The following CAPSL variants were observed in gnomAD, a reference collection of about 807,000 sequenced individuals.
CAPSL encodes the protein calcyphosin-like protein.
CAPSL carries 17 observed loss-of-function variants against 21.3 expected under a neutral mutation model. The observed-to-expected ratio is 0.80, with a 90% CI of 0.55 to 1.20. The LOEUF is 1.20. Ranked by LOEUF, CAPSL falls within the 50% of genes most tolerant of loss-of-function variation. The pLI is 0.00. For synonymous variants in CAPSL, 102 were observed against 89.3 expected (o/e 1.14, Z -0.80); for missense variants, 289 against 259.3 (o/e 1.11, Z -0.79).
intron 1 of CAPSL, among the ~76,000 whole-genome samples, chr5:35,923,961 A>G (rs1222588063): frequency 6.6e-6 from 1 of 152,216 alleles, no homozygotes; most frequent in Non-Finnish European, 1.5e-5. Flanking sequence ...CCACAATTAT[A>G]CATACTTCAA....
intron 1 of CAPSL, among the ~76,000 whole-genome samples, chr5:35,927,258 C>T (rs545533360): frequency 2.0e-5 from 3 of 152,292 alleles, no homozygotes; most frequent in East Asian, 1.9e-4. Context: ...CCAATTGTTC[C>T]GAGCCTCTGT....
At position 35,920,990 on chromosome 5, in the gene CAPSL, A is replaced by G. The variant is rs749099220; in HGVS notation, c.131T>C (p.Leu44Pro). The G allele has an allele frequency of 1.2e-6, 2 of 1,613,742 alleles. No homozygotes were observed. The highest frequency in any genetic ancestry group is 1.1e-5 in the South Asian group (1 of 91,028). ...LARGSAGIKG[L>P]GRVFRIMDDD... Reference sequence around the variant, plus strand: ...ACTTGTAGCTGGGTCCTACCTGCCAAGTCCTTTGATCCCAGCAGAGCCCCT... The same window carrying G: ...ACTTGTAGCTGGGTCCTACCTGCCAGGTCCTTTGATCCCAGCAGAGCCCCT... The change falls in exon 2 of 5, where the codon CTT becomes CCT. Residue 44 changes from leucine (L) to proline (P), a missense_variant. Leu to Pro is a moderately conservative substitution (Grantham distance 98, BLOSUM62 -3). Transcript: ENST00000651391.
At chr5:35,909,047 CA>C (rs377067866) in intron 4 of CAPSL, among the ~76,000 whole-genome samples, 27 of 151,504 alleles carry the variant, frequency 1.8e-4, no homozygotes, top group African/African-American at 6.3e-4. Context: ...TCCTTATCAC[CA>C]AAACCCTTAG....
chr5:35,910,991 T>C (rs1738207134), intron 2 of CAPSL, among the ~76,000 whole-genome samples: 1 of 152,252 alleles, frequency 6.6e-6, no homozygotes, highest in Non-Finnish European at 1.5e-5. Flanking sequence ...CACAGTGATG[T>C]GGCTATGTTA....
rs1760635842 is a variant in CAPSL, at chr5:35,904,635, C to G, written c.537G>C (p.Glu179Asp). 6.2e-7 allele frequency: 1 copy of G among 1,613,264 alleles called. No individual in the cohort carries two copies. Among genetic ancestry groups the G allele is most frequent in the Non-Finnish European group, 8.5e-7 (1 of 1,179,834 alleles). The change falls in exon 5 of 5, where the codon GAG becomes GAC. Residue 179 changes from glutamate to aspartate, a missense_variant. By Grantham distance (45) the Glu-to-Asp change is conservative. Transcript: ENST00000651391. ...CACCTGCATAGTAGTTCATGAACTC[C>G]TCAGGGGTCACCTGCAGTGGAAAAG... ...PYDKDGLVTP[E>D]EFMNYYAGVS...
chr5:35,922,540 G>T (rs962960501), intron 1 of CAPSL, among the ~76,000 whole-genome samples: 2 of 152,112 alleles, frequency 1.3e-5, no homozygotes, highest in African/African-American at 2.4e-5. Flanking sequence ...GGAAAAACTT[G>T]CTCTGTCTAA....
upstream of CAPSL, chr5:35,938,706 G>A (rs570357282): frequency 6.5e-6 from 1 of 152,686 alleles, no homozygotes; most frequent in Middle Eastern, 3.4e-3. Context: ...GGAGGACCTG[G>A]GATCACTGCT....
At chr5:35,930,788 G>A (rs1287971546) in intron 1 of CAPSL, among the ~76,000 whole-genome samples, 1 of 152,314 alleles carries the variant, frequency 6.6e-6, no homozygotes, top group Non-Finnish European at 1.5e-5. Flanking sequence ...TTGAGACAAA[G>A]TCATTCTATT....
At position 35,920,627 on chromosome 5, in the gene CAPSL, T is replaced by C. The variant is rs190572052; in HGVS notation, c.137+357A>G. On this transcript the variant is annotated intron_variant, in intron 2 of 4. Coordinates refer to ENST00000651391, the MANE Select transcript of CAPSL (RefSeq NM_001042625.2). The stretch of plus-strand genomic sequence containing the variant: ...TTCTGCAATTAGGGCTAACTGGCTG[T>C]TCCTTCCTCCCTCTTCCACCCTGGC... Among the ~76,000 whole-genome samples, 745 of 152,280 alleles carry C rather than the reference T, an allele frequency of 4.9e-3. 7 individuals are homozygous for C. The highest frequency in any genetic ancestry group is 0.017 in the African/African-American group (721 of 41,552).
chr5:35,936,366 G>C (rs556366487), intron 1 of CAPSL, among the ~76,000 whole-genome samples: 22 of 152,194 alleles, frequency 1.4e-4, no homozygotes, highest in African/African-American at 5.3e-4. Flanking sequence ...TTTAGTTCAT[G>C]AATCCGCTGT....
chr5:35,938,057 T>A (rs1738998825), intron 1 of CAPSL, among the ~76,000 whole-genome samples: 1 of 152,178 alleles, frequency 6.6e-6, no homozygotes, highest in East Asian at 1.9e-4. Flanking sequence ...TTATTCTGAT[T>A]CTCAGTTGTC....
chr5:35,937,332 G>A (rs1199737641), intron 1 of CAPSL, among the ~76,000 whole-genome samples: 1 of 152,280 alleles, frequency 6.6e-6, no homozygotes, highest in East Asian at 1.9e-4. Context: ...TCATGCATTG[G>A]CCTTTCCTAT....
At chr5:35,937,699 T>A (rs1324853102) in intron 1 of CAPSL, among the ~76,000 whole-genome samples, 1 of 152,210 alleles carries the variant, frequency 6.6e-6, no homozygotes, top group Non-Finnish European at 1.5e-5. Flanking sequence ...CTATTAGAAT[T>A]TATCATTGTC....
At chr5:35,922,660 C>A (rs1434459886) in intron 1 of CAPSL, among the ~76,000 whole-genome samples, 1 of 152,220 alleles carries the variant, frequency 6.6e-6, no homozygotes, top group Non-Finnish European at 1.5e-5. Flanking sequence ...TCTTGCCAGG[C>A]ACACACAAGG....
intron 2 of CAPSL, among the ~76,000 whole-genome samples, chr5:35,919,750 G>A (rs1057484992): frequency 2.0e-5 from 3 of 152,188 alleles, no homozygotes; most frequent in African/African-American, 4.8e-5. Flanking sequence ...AGAAGGCCAA[G>A]GCCAGTAAGT....
intron 1 of CAPSL, among the ~76,000 whole-genome samples, chr5:35,935,657 G>A (rs772901730): frequency 1.3e-5 from 2 of 152,034 alleles, no homozygotes; most frequent in Non-Finnish European, 2.9e-5. Flanking sequence ...ATTCAAGATT[G>A]ACTTTATCTG....
At chr5:35,930,308 A>C (rs1295993893) in intron 1 of CAPSL, among the ~76,000 whole-genome samples, 1 of 151,918 alleles carries the variant, frequency 6.6e-6, no homozygotes, top group Non-Finnish European at 1.5e-5. Flanking sequence ...CATAGTCTTT[A>C]CTTCTTTCTA....
At chr5:35,916,054 TC>T (rs1554069583) in intron 2 of CAPSL, among the ~76,000 whole-genome samples, 1 of 148,584 alleles carries the variant, frequency 6.7e-6, no homozygotes, top group Non-Finnish European at 1.5e-5. Flanking sequence ...TCGCAAGCAT[TC>T]TTAAACACAA....
Position 35,904,515 on chromosome 5 carries a change from G to A in CAPSL, c.*30C>T, listed in dbSNP as rs373508724. 63 of 1,520,750 alleles carry A rather than the reference G, an allele frequency of 4.1e-5. No homozygotes were observed. In the Middle Eastern group the frequency reaches 6.8e-4, roughly 17 times the overall value. 94.2% of individuals were successfully genotyped at this position (1,520,750 alleles called of 1,614,324 possible). ...TTTAGTCATTTGGAGCCACATGGCT[G>A]TCCCAGGGCCTGGTCCCCAGGTCAT... On this transcript the variant is annotated 3_prime_UTR_variant, in exon 5 of 5. Transcript: ENST00000651391.
Sources: gnomAD v4.1 joint callset for allele counts (sites outside exome capture counted in the v4.1 genomes callset) on GRCh38, gnomAD v4.1.1 for gene constraint, MANE v1.5 for transcripts, NCBI Gene and HGNC (gene_info 2026-07-23, HGNC 2026-07-21) for gene names.